Variants in ERICH3 observed in about 807,000 individuals in gnomAD.
The protein encoded by ERICH3 is glutamate-rich protein 3.
A neutral mutation model predicts 131.1 loss-of-function variants in ERICH3; 126 were observed. That is an observed-to-expected ratio of 0.96 (90% CI 0.83 to 1.11). The LOEUF is 1.11. Among genes scored for constraint, ERICH3 ranks in the 50% most tolerant of loss-of-function variants. The pLI is 0.00. For synonymous variants in ERICH3, 695 were observed against 644.6 expected, an observed-to-expected ratio of 1.08 and a Z score of -1.18; for missense variants, 2,050 against 1,810.7, an observed-to-expected ratio of 1.13 and a Z score of -2.40.
At chr1:74,586,469 G>GACTTTC (rs1200112262) in intron 12 of ERICH3, 2 of 984,482 alleles carry the variant, frequency 2.0e-6, no homozygotes, top group Non-Finnish European at 2.4e-6. Flanking sequence ...GGGCGAGAAA[G>GACTTTC]ACTTTCACTT....
At chr1:74,646,968 G>GA (rs1263923307) in intron 2 of ERICH3, among the ~76,000 whole-genome samples, 176 bp from the exon 3 acceptor site, 3,606 of 115,792 alleles carry the variant, frequency 0.031, 167 homozygotes, top group African/African-American at 0.11. Flanking sequence ...GGGAGAGAGA[G>GA]AAAAAAAAAA....
In ERICH3 at chr1:74,673,508, A is replaced by G; in HGVS notation, c.12T>C (p.Ser4=). Residue 4 remains serine (S), a synonymous_variant, in exon 1 of 15, where the codon TCT becomes TCC. Transcript: ENST00000326665. Reference sequence around the variant, plus strand: ...CAGTTGTCACTTACCCAGCGGGGTGAGAATGGCTCATTTTTGCAGGATCCC... The same window carrying G: ...CAGTTGTCACTTACCCAGCGGGGTGGGAATGGCTCATTTTTGCAGGATCCC... The part of the protein sequence containing the change: MSH[S]HPAGLLAAYN... The G allele has an allele frequency of 6.2e-7, 1 of 1,613,272 alleles. No homozygotes were observed. Among genetic ancestry groups the G allele is most frequent in the East Asian group, 2.2e-5 (1 of 44,770 alleles).
rs528654008 is a variant in ERICH3 at position 74,630,115 on chromosome 1, C to T, written c.819+1598G>A. Among the ~76,000 whole-genome samples the T allele has an allele frequency of 2.4e-3, 364 of 152,164 alleles. 2 individuals carry two copies. The highest frequency in any genetic ancestry group is 2.6e-3 in the Non-Finnish European group (175 of 68,010). On this transcript the variant is annotated intron_variant, in intron 7 of 14. Transcript: ENST00000326665. The stretch of plus-strand genomic sequence containing the variant: ...GAGCATGAACAGGTAGAATGTATCC[C>T]AGTAATACATTTTAACATCCGAAAA...
chr1:74,654,352 A>ATG (rs982261876), intron 1 of ERICH3, among the ~76,000 whole-genome samples: 25 of 149,700 alleles, frequency 1.7e-4, no homozygotes, highest in African/African-American at 5.8e-4. Context: ...ACTGTAGGAT[A>ATG]TGTGTATATA....
At chr1:74,603,090 T>C (rs1648221757) in intron 10 of ERICH3, among the ~76,000 whole-genome samples, 1 of 151,884 alleles carries the variant, frequency 6.6e-6, no homozygotes, top group Non-Finnish European at 1.5e-5. Flanking sequence ...GGGAAGAAGA[T>C]ACCTAGAAGT....
intron 1 of ERICH3, among the ~76,000 whole-genome samples, chr1:74,663,466 T>G (rs1646660904): frequency 6.6e-6 from 1 of 152,076 alleles, no homozygotes; most frequent in Non-Finnish European, 1.5e-5. Context: ...CTTGTCTTCC[T>G]TGCCTATCTC....
chr1:74,619,982 T>G (rs1649143312), intron 8 of ERICH3, among the ~76,000 whole-genome samples: 1 of 152,186 alleles, frequency 6.6e-6, no homozygotes, highest in Admixed American at 6.5e-5. Context: ...ATTCCATGTT[T>G]GTCCCCAATT....
At chr1:74,664,409 A>G (rs1646670334) in intron 1 of ERICH3, among the ~76,000 whole-genome samples, 1 of 152,106 alleles carries the variant, frequency 6.6e-6, no homozygotes, top group Non-Finnish European at 1.5e-5. Flanking sequence ...TTCAATCTAA[A>G]CAACAGAAAC....
Position 74,571,896 on chromosome 1 carries a change from C to G in ERICH3, c.3814G>C (p.Glu1272Gln). The part of the protein sequence containing the change: ...GGVDVVLRTQ[E>Q]AVAEEDPIMA... ...ATGGGATCTTCCTCAGCAACAGCTT[C>G]CTGGGTCCTTAGCACGACATCCACT... is the stretch of plus-strand genomic sequence containing the variant. Residue 1272 changes from glutamate to glutamine, a missense_variant, in exon 14 of 15, where the codon GAA (glutamate) becomes CAA (glutamine). Transcript: ENST00000326665. 1 of 1,612,318 alleles carries G rather than the reference C, an allele frequency of 6.2e-7. No homozygotes were observed. Among genetic ancestry groups the G allele is most frequent in the Non-Finnish European group, 8.5e-7 (1 of 1,180,038 alleles).
At chr1:74,638,784 C>G (rs1013852506) in intron 5 of ERICH3, among the ~76,000 whole-genome samples, 8 of 152,098 alleles carry the variant, frequency 5.3e-5, no homozygotes, top group Admixed American at 4.6e-4. Context: ...TACCTCTTCC[C>G]TCTGGTGAAA....
At chr1:74,663,947 G>T (rs377671607) in intron 1 of ERICH3, among the ~76,000 whole-genome samples, 1 of 152,076 alleles carries the variant, frequency 6.6e-6, no homozygotes, top group African/African-American at 2.4e-5. Context: ...TTGGGGCATA[G>T]TCCTGGGATA....
intron 1 of ERICH3, among the ~76,000 whole-genome samples, chr1:74,650,267 A>C (rs1646521017): frequency 6.6e-6 from 1 of 152,174 alleles, no homozygotes; most frequent in African/African-American, 2.4e-5. Context: ...TTTAAGAGTT[A>C]AAAGAGGATA....
intron 6 of ERICH3, among the ~76,000 whole-genome samples, chr1:74,633,981 A>G (rs1349607531): frequency 6.6e-6 from 1 of 151,938 alleles, no homozygotes; most frequent in Non-Finnish European, 1.5e-5. Flanking sequence ...CTTTTGCCTA[A>G]ATTAAAGACT....
At chr1:74,639,037 A>G (rs1196903123) in intron 5 of ERICH3, among the ~76,000 whole-genome samples, 2 of 152,184 alleles carry the variant, frequency 1.3e-5, no homozygotes, top group East Asian at 3.9e-4. Context: ...AGCCAAGTGG[A>G]TTGACTAAAG....
chr1:74,620,304 A>C lies in ERICH3; in HGVS notation c.1000+430T>G, dbSNP rs533301029. 2.0e-5 allele frequency among the ~76,000 whole-genome samples: 3 copies of C among 152,296 alleles called. No homozygotes were observed. The South Asian group carries it at 6.2e-4, about 32-fold the overall frequency. ...CCACCAAGTTATTTAGGTGTGATTC[A>C]CCCTGCAGTTTATTGGATTTGTGAT... On this transcript the variant is annotated intron_variant, in intron 8 of 14. Coordinates refer to ENST00000326665, the MANE Select transcript of ERICH3 (RefSeq NM_001002912.5).
At chr1:74,601,991 T>A (rs1013350869) in intron 10 of ERICH3, among the ~76,000 whole-genome samples, 2 of 151,880 alleles carry the variant, frequency 1.3e-5, no homozygotes, top group Admixed American at 6.6e-5. Flanking sequence ...TAATCGTCCT[T>A]GTGATTGGGT....
chr1:74,658,797 ACACTTGT>A (rs1345578473), intron 1 of ERICH3, among the ~76,000 whole-genome samples: 1 of 152,090 alleles, frequency 6.6e-6, no homozygotes, highest in Non-Finnish European at 1.5e-5. Context: ...TCTTCTATTG[ACACTTGT>A]ACTCTATGAG....
At chr1:74,574,494 C>T (rs1014223265) in intron 13 of ERICH3, among the ~76,000 whole-genome samples, 2 of 152,140 alleles carry the variant, frequency 1.3e-5, no homozygotes, top group African/African-American at 4.8e-5. Context: ...TAAGTCTTAC[C>T]TTGAGCTACA....
At chr1:74,662,747 C>A (rs531105615) in intron 1 of ERICH3, among the ~76,000 whole-genome samples, 2 of 151,404 alleles carry the variant, frequency 1.3e-5, no homozygotes, top group Non-Finnish European at 2.9e-5. Context: ...GAACATGTCA[C>A]CTAAATAGGT....
Sources: gnomAD v4.1 joint callset for allele counts (sites outside exome capture counted in the v4.1 genomes callset) on GRCh38, gnomAD v4.1.1 for gene constraint, MANE v1.5 for transcripts, NCBI Gene and HGNC (gene_info 2026-07-23, HGNC 2026-07-21) for gene names.